Variants in EPB41L1 observed in about 807,000 individuals in gnomAD.
EPB41L1 encodes band 4.1-like protein 1.
EPB41L1 carries 29 observed loss-of-function variants against 97.8 expected under a neutral mutation model. The ratio of observed to expected loss-of-function variants is 0.30; its 90% CI spans 0.22 to 0.40. The LOEUF is 0.40. Among genes scored for constraint, EPB41L1 ranks in the 10% least tolerant of loss-of-function variants. EPB41L1 has a pLI of 1.00. For missense variants in EPB41L1, 812 were observed against 1,162.3 expected, an observed-to-expected ratio of 0.70 and a Z score of 4.38; for synonymous variants, 383 against 459.2, an observed-to-expected ratio of 0.83 and a Z score of 2.12.
chr20:36,147,864 C>T lies in EPB41L1; in HGVS notation c.-9-27687C>T, dbSNP rs968739870. Among the ~76,000 whole-genome samples the T allele has an allele frequency of 4.6e-5, 7 of 152,072 alleles. No homozygotes were observed. The South Asian group carries it at 1.2e-3, about 27-fold the overall frequency. ...AACCTCAGCTGACACTTCAGGCACC[C>T]GACGGGAGGCTGGGTGGACATCTGT... On this transcript the variant is annotated intron_variant, in intron 2 of 19. Transcript: ENST00000202028.
In EPB41L1 at chr20:36,207,840, C is replaced by A; in HGVS notation, c.1669-1648C>A. On this transcript the variant is annotated intron_variant, in intron 14 of 21. Transcript: ENST00000338074. The surrounding 1 kb of genome is among the most constrained non-coding windows in gnomAD (Gnocchi z 4.9). Reference sequence around the variant, plus strand: ...GCTCCCCGCCCATGGGGGCTGGCCGCATGCTCTGTAGTTTTTAGAAGCATG... The same window carrying A: ...GCTCCCCGCCCATGGGGGCTGGCCGAATGCTCTGTAGTTTTTAGAAGCATG... 8.0e-7 allele frequency: 1 copy of A among 1,243,754 alleles called. No individual in the cohort carries two copies. The highest frequency in any genetic ancestry group is 1.0e-6 in the Non-Finnish European group (1 of 965,422). The allele number at this position is 1,243,754 out of a possible 1,614,324, so 77.0% of individuals were successfully genotyped here.
chr20:36,205,762 G>A, intron 14 of EPB41L1: 4 of 1,176,840 alleles, frequency 3.4e-6, no homozygotes, highest in Non-Finnish European at 4.3e-6. Flanking sequence ...GTGGTAGATT[G>A]GTCCCCTCTT....
Position 36,218,589 on chromosome 20 carries a change from A to G in EPB41L1, c.2269-287A>G, listed in dbSNP as rs549522621. ...GCCTGAATCTGGCAACTCCTCTGCT[A>G]GTGCTTCCGGAGAACAATGCCATGT... is the stretch of plus-strand genomic sequence containing the variant. On this transcript the variant is annotated intron_variant, in intron 17 of 21. Transcript: ENST00000338074. Among the ~76,000 whole-genome samples the G allele has an allele frequency of 2.6e-5, 4 of 152,308 alleles. No individual in the cohort carries two copies. The East Asian group carries it at 7.7e-4, about 29-fold the overall frequency.
At chr20:36,166,920 C>T (rs982086989) in intron 1 of EPB41L1, among the ~76,000 whole-genome samples, 5 of 152,180 alleles carry the variant, frequency 3.3e-5, no homozygotes, top group South Asian at 2.1e-4. Context: ...TTAATGGATT[C>T]GAAGTTTCTG....
chr20:36,183,587 C>T (rs897860329), intron 6 of EPB41L1, among the ~76,000 whole-genome samples: 1 of 152,204 alleles, frequency 6.6e-6, no homozygotes, highest in Non-Finnish European at 1.5e-5. Context: ...CTTCCAGGGA[C>T]ACCAGGAAGG....
At chr20:36,179,437 T>C (rs1395063627) in intron 5 of EPB41L1, among the ~76,000 whole-genome samples, 1 of 152,194 alleles carries the variant, frequency 6.6e-6, no homozygotes, top group Admixed American at 6.5e-5. Flanking sequence ...CTGAGCCAGG[T>C]CTTGAGGCCT....
intron 2 of EPB41L1, among the ~76,000 whole-genome samples, chr20:36,136,764 G>A (rs1290111000): frequency 1.5e-5 from 2 of 134,090 alleles, no homozygotes; most frequent in Non-Finnish European, 3.2e-5. Flanking sequence ...TTTTTTTTTT[G>A]TAAAAATGGG....
intron 1 of EPB41L1, among the ~76,000 whole-genome samples, chr20:36,160,481 A>G (rs1600670480): frequency 6.6e-6 from 1 of 152,016 alleles, no homozygotes; most frequent in African/African-American, 2.4e-5. Flanking sequence ...GCTACTCAGG[A>G]GGCTGAGGCA....
chr20:36,201,252 T>C (rs2062480391), intron 14 of EPB41L1, among the ~76,000 whole-genome samples: 1 of 152,210 alleles, frequency 6.6e-6, no homozygotes, highest in South Asian at 2.1e-4. Context: ...GCATTGCCTT[T>C]GGCCTCGAAG....
At chr20:36,103,590 T>C (rs529256840) in intron 1 of EPB41L1, among the ~76,000 whole-genome samples, 1 of 152,316 alleles carries the variant, frequency 6.6e-6, no homozygotes, top group South Asian at 2.1e-4. Context: ...GTGAATTAAC[T>C]GAAGTGCTTT....
Position 36,206,109 on chromosome 20 carries a change from G to T in EPB41L1, c.1669-3379G>T, listed in dbSNP as rs1000275100. On this transcript the variant is annotated intron_variant, in intron 14 of 21. Transcript: ENST00000338074. The surrounding 1 kb of genome is among the most constrained non-coding windows in gnomAD (Gnocchi z 5.5). Reference sequence around the variant, plus strand: ...CAAGTCCTGAAGACTTTGAGTCAGTGGGGGAGGAAGGCCCCTGGATCAGGG... The same window carrying T: ...CAAGTCCTGAAGACTTTGAGTCAGTTGGGGAGGAAGGCCCCTGGATCAGGG... The T allele has an allele frequency of 4.7e-6, 6 of 1,289,768 alleles. No homozygotes were observed. Among genetic ancestry groups the T allele is most frequent in the South Asian group, 2.5e-5 (2 of 81,038 alleles). The allele number at this position is 1,289,768 out of a possible 1,614,324, so 79.9% of individuals were successfully genotyped here.
rs774128107 is a variant in EPB41L1 at position 36,198,014 on chromosome 20, C to A, written c.1641C>A (p.Pro547=). The change falls in exon 14 of 22, where the codon CCC becomes CCA. Residue 547 remains proline, a synonymous_variant. Transcript: ENST00000338074. ...CCTCCTCCCCCGCCTCCCCCTCCCCCAAGGGCACCCCTGAGAAAGCCAATG... is the reference window on the plus strand; with the variant it reads ...CCTCCTCCCCCGCCTCCCCCTCCCCAAAGGGCACCCCTGAGAAAGCCAATG... ...RLPSSPASPS[P]KGTPEKANER... 3 of 1,613,680 alleles carry A rather than the reference C, an allele frequency of 1.9e-6. No individual in the cohort carries two copies. The highest frequency in any genetic ancestry group is 1.7e-5 in the Admixed American group (1 of 60,016).
In EPB41L1 at chr20:36,206,009, T is replaced by G; in HGVS notation, c.1669-3479T>G. 7.8e-7 allele frequency: 1 copy of G among 1,289,814 alleles called. No individual in the cohort carries two copies. Among genetic ancestry groups the G allele is most frequent in the Non-Finnish European group, 1.0e-6 (1 of 988,882 alleles). The allele number at this position is 1,289,814 out of a possible 1,614,324, so 79.9% of individuals were successfully genotyped here. On this transcript the variant is annotated intron_variant, in intron 14 of 21. Coordinates refer to ENST00000338074, the MANE Select transcript of EPB41L1 (RefSeq NM_012156.2). This position sits in a 1 kb window ranked among gnomAD's most constrained non-coding sequence, Gnocchi z 5.5. ...AAGGTAGACGTTCTGGTGGACAAGT[T>G]CAAAGTGGAAGTGGCCACAGAAGAA... is the stretch of plus-strand genomic sequence containing the variant.
At chr20:36,199,745 C>T (rs1415937165) in intron 14 of EPB41L1, among the ~76,000 whole-genome samples, 1 of 152,168 alleles carries the variant, frequency 6.6e-6, no homozygotes, top group Admixed American at 6.5e-5. Context: ...TTCAGCGTGG[C>T]CCCTAATCAA....
At chr20:36,205,029 A>G (rs1047269104) in intron 14 of EPB41L1, among the ~76,000 whole-genome samples, 1 of 151,770 alleles carries the variant, frequency 6.6e-6, no homozygotes, top group Admixed American at 6.6e-5. Context: ...TGCTCTTTCT[A>G]TGGGTTTTGT....
chr20:36,119,456 G>C (rs2058681112), intron 2 of EPB41L1, among the ~76,000 whole-genome samples: 1 of 152,162 alleles, frequency 6.6e-6, no homozygotes, highest in Non-Finnish European at 1.5e-5. Flanking sequence ...ACAAAAATTA[G>C]CCAGGTATGG....
At chr20:36,130,116 ATT>A (rs1257114375) in intron 2 of EPB41L1, among the ~76,000 whole-genome samples, 1 of 151,456 alleles carries the variant, frequency 6.6e-6, no homozygotes, top group Non-Finnish European at 1.5e-5. Context: ...TAATTTTTCT[ATT>A]TTTAGTAGAG....
chr20:36,183,278 T>C (rs952871951), intron 6 of EPB41L1, among the ~76,000 whole-genome samples: 1 of 152,132 alleles, frequency 6.6e-6, no homozygotes, highest in Non-Finnish European at 1.5e-5. Flanking sequence ...CTCTCTCCCA[T>C]TGGGTCCCTC....
chr20:36,177,970 G>A lies in EPB41L1; in HGVS notation c.361G>A (p.Val121Met). 6.2e-7 allele frequency: 1 copy of A among 1,614,168 alleles called. No homozygotes were observed. Among genetic ancestry groups the A allele is most frequent in the South Asian group, 1.1e-5 (1 of 91,084 alleles). Reference protein sequence around the residue: ...CEVEKHGRGQVLFDLVCEHLN... With the variant: ...CEVEKHGRGQMLFDLVCEHLN... ...TCCTTAGAAACATGGCCGGGGCCAGGTGCTGTTTGACCTGGTCTGTGAACA... is the reference window on the plus strand; with the variant it reads ...TCCTTAGAAACATGGCCGGGGCCAGATGCTGTTTGACCTGGTCTGTGAACA... Residue 121 changes from valine (V) to methionine (M), a missense_variant, in exon 4 of 22, where the codon GTG (valine) becomes ATG (methionine). Val to Met is a conservative substitution (Grantham distance 21, BLOSUM62 1). This residue lies in a region of EPB41L1 where 230 missense variants were observed against 445.2 expected (regional missense o/e 0.52). Coordinates refer to ENST00000338074, the MANE Select transcript of EPB41L1 (RefSeq NM_012156.2).
Sources: gnomAD v4.1 joint callset for allele counts (sites outside exome capture counted in the v4.1 genomes callset) on GRCh38, gnomAD v4.1.1 for gene constraint, gnomAD v4.1.1 regional missense constraint, Gnocchi (gnomAD v3.1) non-coding constraint, MANE v1.5 for transcripts, NCBI Gene and HGNC (gene_info 2026-07-23, HGNC 2026-07-21) for gene names.